GNL3L: variants seen among roughly 807,000 people sequenced by gnomAD.
The protein encoded by GNL3L is G protein nucleolar 3 like.
In GNL3L, 4 loss-of-function variants were observed where a neutral mutation model predicts 42.9. The ratio of observed to expected loss-of-function variants is 0.09; its 90% CI spans 0.05 to 0.21. The LOEUF is 0.21. GNL3L is among the 10% of genes least tolerant of loss of function. The pLI, the probability that GNL3L is intolerant of heterozygous loss-of-function variation, is 1.00. For synonymous variants in GNL3L, 159 were observed against 176.3 expected (o/e 0.90, Z 0.78); for missense variants, 412 against 481.7 (o/e 0.86, Z 1.36).
chrX:54,587,157 T>C (rs1208825858), intron 16 of GNL3L, among the ~76,000 whole-genome samples: 7 of 112,213 alleles, frequency 6.2e-5, no homozygotes, highest in Non-Finnish European at 1.1e-4. Flanking sequence ...TCAGCCTGCC[T>C]GGACACACTA....
chrX:54,630,688 TCC>T, the GNL3L span, among the ~76,000 whole-genome samples: 7 of 424 alleles, frequency 0.017, no homozygotes, highest in Middle Eastern at 0.5. Context: ...CTTCCTTCCT[TCC>T]TTCCTTCCTT....
rs869217575 is a variant in GNL3L, at chrX:54,579,986, G to GTTTTTTTTTTTT, written c.*45+19355_*45+19366dup. On this transcript the variant is annotated intron_variant, in intron 16 of 16. Coordinates refer to the GNL3L transcript ENST00000674498. ...AGCCACTGTGCCTGGCCTAAAGTTT[G>GTTTTTTTTTTTT]TTTTTTTTTTTTTTTTTTTTTTTTT... Among the ~76,000 whole-genome samples the GTTTTTTTTTTTT allele has an allele frequency of 6.5e-4, 31 of 47,674 alleles. 4 individuals carry two copies. Among genetic ancestry groups the GTTTTTTTTTTTT allele is most frequent in the African/African-American group, 2.9e-3 (30 of 10,206 alleles). The allele number at this position is 47,674 out of a possible 115,157, so 41.4% of individuals were successfully genotyped here.
At chrX:54,624,859 G>T (rs1157047940), downstream of GNL3L, among the ~76,000 whole-genome samples, 1 of 111,259 alleles carries the variant, frequency 9.0e-6, no homozygotes, top group African/African-American at 3.3e-5. Context: ...CTTTGGCTTT[G>T]ATATCATGCC....
At chrX:54,534,264 T>C (rs1924356140) in intron 2 of GNL3L, among the ~76,000 whole-genome samples, 4 of 108,789 alleles carry the variant, frequency 3.7e-5, no homozygotes, top group Admixed American at 3.0e-4. Context: ...CTCTACCTAC[T>C]GACCCCCGGA....
chrX:54,585,770 C>G (rs1298109142), intron 16 of GNL3L, among the ~76,000 whole-genome samples: 1 of 111,128 alleles, frequency 9.0e-6, no homozygotes, highest in African/African-American at 3.3e-5. Context: ...TATTTTCTTC[C>G]TTCTACTTTT....
chrX:54,540,751 G>A (rs1037922078), intron 4 of GNL3L, among the ~76,000 whole-genome samples: 5 of 110,678 alleles, frequency 4.5e-5, no homozygotes, highest in Admixed American at 1.9e-4. Context: ...TCTACCTCCC[G>A]GGTTCAAGCG....
At chrX:54,530,772 C>T (rs1020295904) in intron 1 of GNL3L, among the ~76,000 whole-genome samples, 1 of 112,290 alleles carries the variant, frequency 8.9e-6, no homozygotes, top group African/African-American at 3.2e-5. Context: ...ACTTAAGGCA[C>T]TTCCTTGGCT....
intron 6 of GNL3L, 75 bp downstream of exon 6, chrX:54,543,113 T>G (rs1416291294): frequency 9.0e-7 from 1 of 1,111,241 alleles, no homozygotes; most frequent in Non-Finnish European, 1.2e-6. Flanking sequence ...TTTCTGTTTT[T>G]TCCTGACTGA....
the GNL3L span, among the ~76,000 whole-genome samples, chrX:54,630,052 C>T: frequency 7.2e-5 from 8 of 110,429 alleles, no homozygotes; most frequent in South Asian, 2.3e-3. Flanking sequence ...TAAAGGTGTT[C>T]ATAGTAGCCT....
At chrX:54,599,061 G>A (rs1285806029) in intron 16 of GNL3L, among the ~76,000 whole-genome samples, 6 of 111,985 alleles carry the variant, frequency 5.4e-5, no homozygotes, top group Non-Finnish European at 1.1e-4. Context: ...CCAAGGATAT[G>A]TCATATTCAA....
the GNL3L span, among the ~76,000 whole-genome samples, chrX:54,643,306 T>C: frequency 9.0e-6 from 1 of 111,505 alleles, no homozygotes; most frequent in Admixed American, 9.5e-5. Flanking sequence ...TTATTATATA[T>C]GTATTTGCAC....
downstream of GNL3L, among the ~76,000 whole-genome samples, chrX:54,625,210 G>C (rs925771428): frequency 1.5e-4 from 16 of 110,062 alleles, no homozygotes; most frequent in African/African-American, 4.9e-4. Context: ...GGGCATTCTT[G>C]TCTTGTTCCT....
chrX:54,624,864 C>A (rs1427014150), downstream of GNL3L, among the ~76,000 whole-genome samples: 1 of 111,489 alleles, frequency 9.0e-6, no homozygotes, highest in Non-Finnish European at 1.9e-5. Context: ...GCTTTGATAT[C>A]ATGCCATAAT....
At chrX:54,540,311 T>C in intron 4 of GNL3L, 69 bp downstream of exon 4, 1 of 686,268 alleles carries the variant, frequency 1.5e-6, no homozygotes, top group Non-Finnish European at 2.3e-6. Flanking sequence ...AAGTGTTGAA[T>C]GGAAGGGCAA....
downstream of GNL3L, among the ~76,000 whole-genome samples, chrX:54,570,888 A>G (rs897442377): frequency 6.3e-5 from 7 of 111,477 alleles, no homozygotes; most frequent in Non-Finnish European, 1.1e-4. Context: ...AAATAATAGA[A>G]AATAATTATA....
At position 54,589,978 on chromosome X, in the gene GNL3L, C is replaced by T. The variant is rs376527412; in HGVS notation, c.*45+29331C>T. 1.6e-4 allele frequency among the ~76,000 whole-genome samples: 17 copies of T among 109,306 alleles called. No homozygotes were observed. The East Asian group carries it at 1.7e-3, about 11-fold the overall frequency. The allele number at this position is 109,306 out of a possible 115,157, so 94.9% of individuals were successfully genotyped here. On this transcript the variant is annotated intron_variant, in intron 16 of 16. Transcript: ENST00000674498. ...TTTTTGAGACAGAGTCTTGCTCTGT[C>T]GCCCAGGCTGGAGTGTAGTGGTGTG...
At chrX:54,634,938 C>G in the GNL3L span, among the ~76,000 whole-genome samples, 1 of 107,793 alleles carries the variant, frequency 9.3e-6, no homozygotes, top group Non-Finnish European at 1.9e-5. Flanking sequence ...ATTACAGGTG[C>G]CCGCCACCAT....
At chrX:54,547,525 C>T (rs990643160) in intron 8 of GNL3L, among the ~76,000 whole-genome samples, 1 of 110,119 alleles carries the variant, frequency 9.1e-6, no homozygotes, top group Non-Finnish European at 1.9e-5. Flanking sequence ...ACCAACATGG[C>T]GAAACTCTGT....
At chrX:54,643,918 T>G in the GNL3L span, among the ~76,000 whole-genome samples, 1 of 112,159 alleles carries the variant, frequency 8.9e-6, no homozygotes, top group Non-Finnish European at 1.9e-5. Flanking sequence ...CATAATGTCA[T>G]GCATGTTGTT....
Sources: gnomAD v4.1 joint callset for allele counts (sites outside exome capture counted in the v4.1 genomes callset) on GRCh38, gnomAD v4.1.1 for gene constraint, MANE v1.5 for transcripts, NCBI Gene and HGNC (gene_info 2026-07-23, HGNC 2026-07-21) for gene names.